MGAT5: variants seen among roughly 807,000 people sequenced by gnomAD.
MGAT5 encodes alpha-1,6-mannosylglycoprotein 6-beta-N-acetylglucosaminyltransferase, also known as alpha-1,6-mannosylglycoprotein 6-beta-N-acetylglucosaminyltransferase A.
A neutral mutation model predicts 94.3 loss-of-function variants in MGAT5; 30 were observed. That is an observed-to-expected ratio of 0.32 (90% CI 0.24 to 0.43). MGAT5 has a LOEUF of 0.43. MGAT5 is among the 20% of genes least tolerant of loss of function. The pLI is 1.00. For synonymous variants in MGAT5, 310 were observed against 322.9 expected (o/e 0.96, Z 0.43); for missense variants, 691 against 905.5 (o/e 0.76, Z 3.04).
intron 1 of MGAT5, among the ~76,000 whole-genome samples, chr2:134,202,189 G>A (rs1679822654): frequency 6.6e-6 from 1 of 152,132 alleles, no homozygotes; most frequent in South Asian, 2.1e-4. Context: ...TTTGCCGACT[G>A]CTATGGTCTG....
intron 1 of MGAT5, among the ~76,000 whole-genome samples, chr2:134,260,494 C>A (rs3791259): frequency 6.6e-6 from 1 of 152,036 alleles, no homozygotes; most frequent in Non-Finnish European, 1.5e-5. Flanking sequence ...ATCCAGATAA[C>A]GTTCTGAGAT....
At chr2:134,421,166 C>T (rs12473441) in intron 12 of MGAT5, among the ~76,000 whole-genome samples, 15,484 of 152,234 alleles carry the variant, frequency 0.1, 1,107 homozygotes, top group African/African-American at 0.19. Flanking sequence ...GACTTTGTTG[C>T]TTTGATCTTT....
intron 1 of MGAT5, among the ~76,000 whole-genome samples, chr2:134,163,264 G>T (rs1687819286): frequency 6.6e-6 from 1 of 152,192 alleles, no homozygotes; most frequent in Non-Finnish European, 1.5e-5. Context: ...TGATTCTGGA[G>T]GGCCTTGGGG....
At chr2:134,138,816 A>C (rs1686535814) in intron 1 of MGAT5, among the ~76,000 whole-genome samples, 1 of 152,190 alleles carries the variant, frequency 6.6e-6, no homozygotes, top group Non-Finnish European at 1.5e-5. Flanking sequence ...TTTATCATCC[A>C]AATCAGGATG....
At chr2:134,214,599 C>G (rs1208217007) in intron 1 of MGAT5, among the ~76,000 whole-genome samples, 2 of 151,932 alleles carry the variant, frequency 1.3e-5, no homozygotes, top group African/African-American at 4.8e-5. Context: ...GTCTTGGAAG[C>G]TCTTTGGAAG....
chr2:134,237,378 G>C (rs1446405848), intron 1 of MGAT5, among the ~76,000 whole-genome samples: 1 of 152,166 alleles, frequency 6.6e-6, no homozygotes, highest in African/African-American at 2.4e-5. Context: ...ATAAGTAAAT[G>C]TTTGCAGAAT....
At chr2:134,150,387 T>C (rs901934202) in intron 1 of MGAT5, among the ~76,000 whole-genome samples, 1 of 152,098 alleles carries the variant, frequency 6.6e-6, no homozygotes, top group African/African-American at 2.4e-5. Context: ...TGGTTTCTGC[T>C]CCCTATGCCC....
At chr2:134,418,440 A>G (rs1232449549) in intron 12 of MGAT5, among the ~76,000 whole-genome samples, 2 of 152,220 alleles carry the variant, frequency 1.3e-5, no homozygotes, top group African/African-American at 2.4e-5. Flanking sequence ...AGATGACTCC[A>G]TCAGTCCTAG....
chr2:134,276,431 T>G (rs980555801), intron 2 of MGAT5, among the ~76,000 whole-genome samples: 6 of 152,172 alleles, frequency 3.9e-5, no homozygotes, highest in African/African-American at 1.4e-4. Flanking sequence ...TTGCAGAATG[T>G]TTTAGAAGAA....
At chr2:134,267,511 T>C (rs1349283467) in intron 1 of MGAT5, among the ~76,000 whole-genome samples, 1 of 152,216 alleles carries the variant, frequency 6.6e-6, no homozygotes, top group Non-Finnish European at 1.5e-5. Flanking sequence ...AATCCCCTTT[T>C]ACACTCCATG....
At chr2:134,157,990 T>A (rs986148310) in intron 1 of MGAT5, among the ~76,000 whole-genome samples, 1 of 152,226 alleles carries the variant, frequency 6.6e-6, no homozygotes. Context: ...AGCTTGTCTC[T>A]GCGGACAGGT....
At chr2:134,348,516 A>G (rs1558813029) in intron 8 of MGAT5, among the ~76,000 whole-genome samples, 1 of 152,192 alleles carries the variant, frequency 6.6e-6, no homozygotes, top group Admixed American at 6.5e-5. Flanking sequence ...TACTTCCTAA[A>G]AAGTCCATTC....
intron 1 of MGAT5, among the ~76,000 whole-genome samples, chr2:134,150,222 C>A (rs565713312): frequency 6.6e-6 from 1 of 152,138 alleles, no homozygotes; most frequent in East Asian, 1.9e-4. Context: ...GGCCTCCTAG[C>A]GTCTTGATAG....
chr2:134,142,076 G>A (rs968329198), intron 1 of MGAT5, among the ~76,000 whole-genome samples: 1 of 152,180 alleles, frequency 6.6e-6, no homozygotes, highest in African/African-American at 2.4e-5. Context: ...GTGAGGAGAG[G>A]TGGCTGAGGA....
chr2:134,215,673 T>C (rs1469004576), intron 1 of MGAT5, among the ~76,000 whole-genome samples: 1 of 152,216 alleles, frequency 6.6e-6, no homozygotes, highest in Non-Finnish European at 1.5e-5. Context: ...TCAGCTAAAC[T>C]TCCTTGTAAG....
chr2:134,320,457 T>A (rs1211853477), intron 4 of MGAT5, among the ~76,000 whole-genome samples: 2 of 151,958 alleles, frequency 1.3e-5, no homozygotes, highest in East Asian at 3.9e-4. Flanking sequence ...ACCTAGAACC[T>A]CTTGGGAATC....
intron 2 of MGAT5, among the ~76,000 whole-genome samples, chr2:134,315,185 C>T (rs1686926990): frequency 6.6e-6 from 1 of 152,180 alleles, no homozygotes; most frequent in South Asian, 2.1e-4. Context: ...TACCACACCA[C>T]CATGTCAGTA....
At chr2:134,392,619 G>A (rs376056189) in intron 10 of MGAT5, among the ~76,000 whole-genome samples, 6 of 152,172 alleles carry the variant, frequency 3.9e-5, no homozygotes, top group Non-Finnish European at 8.8e-5. Context: ...TCAAGTCCCC[G>A]CCTACAACAA....
chr2:134,426,852 C>T (rs1303902252), intron 13 of MGAT5, among the ~76,000 whole-genome samples: 1 of 152,174 alleles, frequency 6.6e-6, no homozygotes, highest in African/African-American at 2.4e-5. Context: ...TTGAGCTCTT[C>T]AGAGATGAGC....
Sources: allele counts gnomAD v4.1 joint callset (sites outside exome capture counted in the v4.1 genomes callset), GRCh38; gene constraint gnomAD v4.1.1; transcripts MANE v1.5; gene names NCBI Gene and HGNC (gene_info 2026-07-23, HGNC 2026-07-21).